Variants in PARD3B observed in about 807,000 individuals in gnomAD.
PARD3B encodes the protein par-3 family cell polarity regulator beta.
Under a neutral mutation model 130.2 loss-of-function variants are expected in PARD3B, and 103 were observed. That is an observed-to-expected ratio of 0.79 (90% CI 0.67 to 0.93). The LOEUF (loss-of-function observed/expected upper bound fraction) is 0.93. Among genes scored for constraint, PARD3B ranks in the 40% least tolerant of loss-of-function variants. PARD3B has a pLI of 0.00. For missense variants in PARD3B, 1,609 were observed against 1,499.2 expected (o/e 1.07, Z -1.21); for synonymous variants, 583 against 553.2 (o/e 1.05, Z -0.76).
intron 3 of PARD3B, among the ~76,000 whole-genome samples, chr2:205,004,435 A>G (rs1438746870): frequency 6.6e-6 from 1 of 152,218 alleles, no homozygotes; most frequent in Non-Finnish European, 1.5e-5. Flanking sequence ...ATATTTTATC[A>G]TTTCAATTCA....
chr2:205,222,481 T>C (rs767162794), intron 15 of PARD3B, among the ~76,000 whole-genome samples: 1 of 152,200 alleles, frequency 6.6e-6, no homozygotes, highest in East Asian at 1.9e-4. Flanking sequence ...AGATAACACA[T>C]ATTGAAATGC....
intron 21 of PARD3B, among the ~76,000 whole-genome samples, chr2:205,516,472 G>A (rs1161122425): frequency 3.3e-5 from 5 of 152,078 alleles, no homozygotes; most frequent in Non-Finnish European, 7.4e-5. Context: ...AATTCTCATT[G>A]TAGAGATCTT....
chr2:204,817,541 G>A (rs2043189336), intron 2 of PARD3B, among the ~76,000 whole-genome samples: 1 of 152,042 alleles, frequency 6.6e-6, no homozygotes, highest in African/African-American at 2.4e-5. Flanking sequence ...CCTCGGTCTT[G>A]TGTGCATGTT....
rs1408314173 is a variant in PARD3B at position 205,473,701 on chromosome 2, T to C, written c.3045-26195T>C. Among the ~76,000 whole-genome samples, 8 of 127,006 alleles carry C rather than the reference T, an allele frequency of 6.3e-5. No individual in the cohort carries two copies. Among genetic ancestry groups the C allele is most frequent in the African/African-American group, 2.9e-4 (8 of 27,816 alleles). 83.3% of individuals were successfully genotyped at this position (127,006 alleles called of 152,430 possible). A position where few individuals can be genotyped will look rare whatever the true frequency, so the allele number is the denominator to read the frequency against. Reference sequence around the variant, plus strand: ...GTGTGTATGTATATATATATATATATATATATATACACACACACGTATATA... The same window carrying C: ...GTGTGTATGTATATATATATATATACATATATATACACACACACGTATATA... On this transcript the variant is annotated intron_variant, in intron 20 of 22. Transcript: ENST00000406610. The surrounding 1 kb of genome is among the most constrained non-coding windows in gnomAD (Gnocchi z 4.9).
At chr2:205,423,919 G>A (rs1031167703) in intron 19 of PARD3B, among the ~76,000 whole-genome samples, 5 of 152,056 alleles carry the variant, frequency 3.3e-5, no homozygotes, top group African/African-American at 1.2e-4. Context: ...AACACACACT[G>A]GGGCCTTTTG....
rs1174550675 is a variant in PARD3B, at chr2:205,461,647, TA to T, written c.3044+20977del. On this transcript the variant is annotated intron_variant, in intron 20 of 22. Coordinates refer to ENST00000406610, the MANE Select transcript of PARD3B (RefSeq NM_001302769.2). This position sits in a 1 kb window ranked among gnomAD's most constrained non-coding sequence, Gnocchi z 4.3. ...TTGGTCAACTTTTAGTGGTCCTAGATAATTGTTCTCAAATTTGAGCACGCAT... is the reference window on the plus strand; with the variant it reads ...TTGGTCAACTTTTAGTGGTCCTAGATATTGTTCTCAAATTTGAGCACGCAT... 7.9e-5 allele frequency among the ~76,000 whole-genome samples: 12 copies of T among 152,218 alleles called. No individual in the cohort carries two copies. The highest frequency in any genetic ancestry group is 1.8e-4 in the Non-Finnish European group (12 of 68,048).
intron 18 of PARD3B, 84 bp from the exon 19 acceptor site, chr2:205,400,929 A>T: frequency 1.1e-6 from 1 of 928,678 alleles, no homozygotes; most frequent in South Asian, 1.6e-5. Flanking sequence ...GTATGACTTA[A>T]TGAGCTCATC....
intron 15 of PARD3B, among the ~76,000 whole-genome samples, chr2:205,239,963 T>C (rs1160368572): frequency 6.6e-6 from 1 of 151,898 alleles, no homozygotes; most frequent in African/African-American, 2.4e-5. Flanking sequence ...TGTGTGTTTG[T>C]GTGTGTGTGT....
At chr2:205,547,076 TTAAC>T (rs913758892) in intron 21 of PARD3B, among the ~76,000 whole-genome samples, 2 of 152,136 alleles carry the variant, frequency 1.3e-5, no homozygotes, top group African/African-American at 2.4e-5. Flanking sequence ...ACCATTTTCA[TTAAC>T]TAACATTGTA....
intron 2 of PARD3B, among the ~76,000 whole-genome samples, chr2:204,780,957 C>G (rs2041816479): frequency 1.3e-5 from 2 of 151,936 alleles, no homozygotes; most frequent in Admixed American, 1.3e-4. Flanking sequence ...GGGTGACCAT[C>G]AATATGGAAA....
At chr2:204,578,985 A>AGTT (rs1410695003) in intron 1 of PARD3B, among the ~76,000 whole-genome samples, 1 of 151,936 alleles carries the variant, frequency 6.6e-6, no homozygotes, top group Admixed American at 6.6e-5. Context: ...GGAGAGGGAG[A>AGTT]GTTGTCAGGA....
chr2:204,944,541 G>A (rs930415326), intron 2 of PARD3B, among the ~76,000 whole-genome samples: 26 of 152,340 alleles, frequency 1.7e-4, no homozygotes, highest in African/African-American at 5.8e-4. Flanking sequence ...TCAGCCTGGT[G>A]TTCTTCAGGC....
intron 1 of PARD3B, among the ~76,000 whole-genome samples, chr2:204,561,870 T>C (rs539866068): frequency 3.4e-4 from 52 of 152,270 alleles, no homozygotes; most frequent in African/African-American, 1.2e-3. Flanking sequence ...GTGCTGAGAT[T>C]ACAGGCGTGA....
intron 11 of PARD3B, among the ~76,000 whole-genome samples, chr2:205,162,510 T>TA (rs2034563162): frequency 1.3e-5 from 2 of 152,272 alleles, no homozygotes; most frequent in Non-Finnish European, 2.9e-5. Context: ...TTCATTTAGT[T>TA]ACTGTCTTTC....
intron 3 of PARD3B, among the ~76,000 whole-genome samples, chr2:205,036,341 A>G (rs1452285692): frequency 1.4e-5 from 2 of 144,076 alleles, no homozygotes; most frequent in African/African-American, 5.2e-5. Context: ...ATATAAAAAT[A>G]TATGTATATA....
intron 21 of PARD3B, among the ~76,000 whole-genome samples, chr2:205,531,999 C>T (rs990554348): frequency 3.9e-5 from 6 of 151,974 alleles, no homozygotes; most frequent in East Asian, 1.9e-4. Flanking sequence ...ATTCTAGCAG[C>T]GTGAACACCG....
chr2:204,829,756 T>C (rs1433803665), intron 2 of PARD3B, among the ~76,000 whole-genome samples: 1 of 151,968 alleles, frequency 6.6e-6, no homozygotes, highest in Non-Finnish European at 1.5e-5. Context: ...TCCCAGCACT[T>C]TGGGAGGCCG....
At chr2:204,613,497 A>G (rs1192707104) in intron 1 of PARD3B, among the ~76,000 whole-genome samples, 2 of 152,090 alleles carry the variant, frequency 1.3e-5, no homozygotes, top group African/African-American at 4.8e-5. Flanking sequence ...TCCTTCGCCT[A>G]TTCTCAAGAC....
rs1227542997 is a variant in PARD3B, at chr2:205,269,526, G to C, written c.2185+23704G>C. Among the ~76,000 whole-genome samples, 1 of 152,032 alleles carries C rather than the reference G, an allele frequency of 6.6e-6. No homozygotes were observed. The highest frequency in any genetic ancestry group is 1.5e-5 in the Non-Finnish European group (1 of 67,970). On this transcript the variant is annotated intron_variant, in intron 16 of 22. Coordinates refer to ENST00000406610, the MANE Select transcript of PARD3B (RefSeq NM_001302769.2). This position sits in a 1 kb window ranked among gnomAD's most constrained non-coding sequence, Gnocchi z 4.7. ...GGAATTTATATTCAGGAATTTCACT[G>C]ATTTTTTTTTAAAGTTCCTTCAGGG...
Sources: allele counts gnomAD v4.1 joint callset (sites outside exome capture counted in the v4.1 genomes callset), GRCh38; gene constraint gnomAD v4.1.1; non-coding constraint Gnocchi (gnomAD v3.1); transcripts MANE v1.5; gene names NCBI Gene and HGNC (gene_info 2026-07-23, HGNC 2026-07-21).